The following CNTNAP2 variants were observed in gnomAD, a reference collection of about 807,000 sequenced individuals.
CNTNAP2 encodes the protein contactin associated protein 2, also known as contactin-associated protein-like 2.
Under a neutral mutation model 155.2 loss-of-function variants are expected in CNTNAP2, and 98 were observed. That is an observed-to-expected ratio of 0.63 (90% CI 0.54 to 0.75). The LOEUF is 0.75. Among genes scored for constraint, CNTNAP2 ranks in the 30% least tolerant of loss-of-function variants. The pLI is 0.00. For missense variants in CNTNAP2, 1,727 were observed against 1,688.1 expected (o/e 1.02, Z -0.40); for synonymous variants, 651 against 631.2 (o/e 1.03, Z -0.47).
At chr7:147,172,223 C>A (rs1293178219) in intron 8 of CNTNAP2, among the ~76,000 whole-genome samples, 3 of 152,076 alleles carry the variant, frequency 2.0e-5, no homozygotes, top group African/African-American at 7.2e-5. Flanking sequence ...AGGTTTATTT[C>A]TTTTCCTTGA....
chr7:148,012,363 C>G (rs931533106), intron 15 of CNTNAP2, among the ~76,000 whole-genome samples: 2 of 152,136 alleles, frequency 1.3e-5, no homozygotes, highest in Admixed American at 1.3e-4. Flanking sequence ...TGTCATAATA[C>G]CAGGATAGAA....
chr7:148,277,593 C>A lies in CNTNAP2; in HGVS notation c.3475+10467C>A, dbSNP rs369074560. 4.2e-3 allele frequency among the ~76,000 whole-genome samples: 625 copies of A among 148,712 alleles called. 3 individuals carry two copies. The highest frequency in any genetic ancestry group is 0.014 in the African/African-American group (546 of 40,414). ...GCCCCATGTTAGTACAGGACCGCCCCCCACCACCACCGACCCCCTACACAG... is the reference window on the plus strand; with the variant it reads ...GCCCCATGTTAGTACAGGACCGCCCACCACCACCACCGACCCCCTACACAG... On this transcript the variant is annotated intron_variant, in intron 21 of 23. Transcript: ENST00000361727.
Position 146,677,876 on chromosome 7 carries a change from T to A in CNTNAP2, c.98-96395T>A, listed in dbSNP as rs10952654. Among the ~76,000 whole-genome samples, 1,499 of 151,836 alleles carry A rather than the reference T, an allele frequency of 9.9e-3. 24 individuals carry two copies. Among genetic ancestry groups the A allele is most frequent in the African/African-American group, 0.034 (1,415 of 41,354 alleles). ...TGAAATAATTGCCCCCAGACGTGGG[T>A]GCAGGGGTTGGGATGTGGAGTGTTG... On this transcript the variant is annotated intron_variant, in intron 1 of 23. Transcript: ENST00000361727.
Position 147,337,437 on chromosome 7 carries a change from G to A in CNTNAP2, c.1498+37147G>A, listed in dbSNP as rs79001881. Among the ~76,000 whole-genome samples, 591 of 152,218 alleles carry A rather than the reference G, an allele frequency of 3.9e-3. 2 individuals carry two copies. The highest frequency in any genetic ancestry group is 0.014 in the African/African-American group (568 of 41,534). On this transcript the variant is annotated intron_variant, in intron 9 of 23. Transcript: ENST00000361727. ...CAGCCTGTTCCTTCATGTCTTCAAT[G>A]TTGCATTTCCAATGTATTCTACAGT...
intron 1 of CNTNAP2, among the ~76,000 whole-genome samples, chr7:146,539,777 C>T (rs73164078): frequency 0.2 from 30,156 of 152,018 alleles, 3,783 homozygotes; most frequent in East Asian, 0.46. Flanking sequence ...TTATTATAGA[C>T]GTGTTCTCTT....
chr7:147,599,549 T>C (rs1800903990), intron 12 of CNTNAP2, among the ~76,000 whole-genome samples: 1 of 151,432 alleles, frequency 6.6e-6, no homozygotes, highest in African/African-American at 2.4e-5. Context: ...TATCCTCTCA[T>C]AGTTCTGGGG....
intron 13 of CNTNAP2, among the ~76,000 whole-genome samples, chr7:147,674,956 T>C (rs1795844498): frequency 6.6e-6 from 1 of 152,096 alleles, no homozygotes; most frequent in African/African-American, 2.4e-5. Flanking sequence ...TAGATCTTCA[T>C]TCATGGATGT....
In CNTNAP2 at chr7:148,070,667, G is replaced by A. The variant is rs956561767; in HGVS notation, c.2384-47451G>A. ...CAGGAGGCAAAGGTTGCAGTGAGCCGAGATCACACCACTGCACTCCAGCCT... is the reference window on the plus strand; with the variant it reads ...CAGGAGGCAAAGGTTGCAGTGAGCCAAGATCACACCACTGCACTCCAGCCT... On this transcript the variant is annotated intron_variant, in intron 15 of 23. Transcript: ENST00000361727. Among the ~76,000 whole-genome samples the A allele has an allele frequency of 2.2e-4, 33 of 151,850 alleles. 1 individual carries two copies. Among genetic ancestry groups the A allele is most frequent in the African/African-American group, 6.8e-4 (28 of 41,332 alleles).
chr7:147,338,413 A>G (rs1474359981), intron 9 of CNTNAP2, among the ~76,000 whole-genome samples: 1 of 152,162 alleles, frequency 6.6e-6, no homozygotes, highest in East Asian at 1.9e-4. Flanking sequence ...TTTGAAGAGC[A>G]AGGGCAGTCT....
intron 9 of CNTNAP2, among the ~76,000 whole-genome samples, chr7:147,318,720 G>A (rs1584869703): frequency 1.3e-5 from 2 of 152,036 alleles, no homozygotes; most frequent in African/African-American, 4.8e-5. Flanking sequence ...AGCATGTGGG[G>A]CTTAAAACCT....
At chr7:147,058,126 A>G (rs2129261337) in intron 4 of CNTNAP2, among the ~76,000 whole-genome samples, 1 of 152,300 alleles carries the variant, frequency 6.6e-6, no homozygotes, top group South Asian at 2.1e-4. Flanking sequence ...CATTAAGGAT[A>G]TCATCTTTTC....
At chr7:146,244,385 A>G (rs1799611867) in intron 1 of CNTNAP2, among the ~76,000 whole-genome samples, 1 of 152,160 alleles carries the variant, frequency 6.6e-6, no homozygotes, top group South Asian at 2.1e-4. Flanking sequence ...AGTAGGAATG[A>G]CAAGTTTTTT....
chr7:147,082,730 G>T lies in CNTNAP2; in HGVS notation c.551-25417G>T, dbSNP rs150346244. ...TAGTTCTTACTAAAAATTCTGATCT[G>T]ACTCAAACTGATTCAAAAAGCAAGG... is the stretch of plus-strand genomic sequence containing the variant. On this transcript the variant is annotated intron_variant, in intron 4 of 23. Coordinates refer to ENST00000361727, the MANE Select transcript of CNTNAP2 (RefSeq NM_014141.6). 184 of 152,252 alleles carry T rather than the reference G, an allele frequency of 1.2e-3. 1 individual carries two copies. Among genetic ancestry groups the T allele is most frequent in the African/African-American group, 4.4e-3 (184 of 41,552 alleles). 9.4% of individuals were successfully genotyped at this position (152,252 alleles called of 1,614,324 possible).
intron 1 of CNTNAP2, among the ~76,000 whole-genome samples, chr7:146,482,053 AT>A (rs1481022938): frequency 6.6e-6 from 1 of 152,182 alleles, no homozygotes; most frequent in Admixed American, 6.5e-5. Flanking sequence ...ATAATAAAAA[AT>A]AATGATAACT....
chr7:147,194,944 T>C (rs1802754754), intron 8 of CNTNAP2, among the ~76,000 whole-genome samples: 1 of 152,216 alleles, frequency 6.6e-6, no homozygotes, highest in Non-Finnish European at 1.5e-5. Context: ...ATTTGTCAAT[T>C]TTGGCTTTTG....
intron 1 of CNTNAP2, among the ~76,000 whole-genome samples, chr7:146,469,409 T>A (rs1371838715): frequency 6.6e-6 from 1 of 152,030 alleles, no homozygotes; most frequent in Admixed American, 6.6e-5. Context: ...CACTGCCCAG[T>A]TAAAGAAACA....
At chr7:146,229,990 G>C (rs1375358992) in intron 1 of CNTNAP2, among the ~76,000 whole-genome samples, 1 of 152,142 alleles carries the variant, frequency 6.6e-6, no homozygotes, top group Non-Finnish European at 1.5e-5. Context: ...AACAAGCATT[G>C]AGTAAACGGC....
rs570119865 is a variant in CNTNAP2 at position 146,929,128 on chromosome 7, T to G, written c.402+89224T>G. 7.2e-5 allele frequency among the ~76,000 whole-genome samples: 11 copies of G among 152,346 alleles called. No individual in the cohort carries two copies. In the South Asian group the frequency reaches 2.3e-3, roughly 32 times the overall value. On this transcript the variant is annotated intron_variant, in intron 3 of 23. Coordinates refer to ENST00000361727, the MANE Select transcript of CNTNAP2 (RefSeq NM_014141.6). ...GCTGGAGATTTGAGAATGGGCAGAC[T>G]GCCTCCTCAAGTGGGTCCCTGACCC...
At chr7:147,217,685 C>G (rs756481895) in intron 8 of CNTNAP2, among the ~76,000 whole-genome samples, 69 of 151,932 alleles carry the variant, frequency 4.5e-4, no homozygotes, top group Non-Finnish European at 8.0e-4. Flanking sequence ...AGTTTTTCCT[C>G]AGCTTCTATC....
Sources: allele counts gnomAD v4.1 joint callset (sites outside exome capture counted in the v4.1 genomes callset), GRCh38; gene constraint gnomAD v4.1.1; transcripts MANE v1.5; gene names NCBI Gene and HGNC (gene_info 2026-07-23, HGNC 2026-07-21).